SARNP: variants seen among roughly 807,000 people sequenced by gnomAD.
SARNP encodes SAP domain-containing ribonucleoprotein.
A neutral mutation model predicts 38.1 loss-of-function variants in SARNP; 5 were observed. That is an observed-to-expected ratio of 0.13 (90% CI 0.07 to 0.28). The LOEUF (loss-of-function observed/expected upper bound fraction) is 0.28. Among genes scored for constraint, SARNP ranks in the 10% least tolerant of loss-of-function variants. The pLI is 1.00. For synonymous variants in SARNP, 84 were observed against 80.6 expected, an observed-to-expected ratio of 1.04 and a Z score of -0.23; for missense variants, 180 against 243.9, an observed-to-expected ratio of 0.74 and a Z score of 1.75.
At chr12:55,817,573 C>A (rs1350310027) in intron 1 of SARNP, 93 bp downstream of exon 1, 46 of 1,209,996 alleles carry the variant, frequency 3.8e-5, no homozygotes, top group Non-Finnish European at 1.1e-5. Flanking sequence ...GTGGAAAAGG[C>A]TGCACGGAGA....
At chr12:55,760,748 C>T (rs1423262172) in intron 9 of SARNP, 108 bp from the exon 10 acceptor site, 11 of 727,766 alleles carry the variant, frequency 1.5e-5, no homozygotes, top group Admixed American at 2.2e-5. Flanking sequence ...AACCCTGTGC[C>T]AAGAACTAAG....
chr12:55,798,351 G>A (rs576847084), intron 4 of SARNP, among the ~76,000 whole-genome samples: 15 of 152,154 alleles, frequency 9.9e-5, no homozygotes, highest in African/African-American at 3.6e-4. Flanking sequence ...TACAAAAAAA[G>A]AGCTGGGTGT....
At chr12:55,771,542 A>G (rs545740991) in intron 9 of SARNP, among the ~76,000 whole-genome samples, 1 of 152,308 alleles carries the variant, frequency 6.6e-6, no homozygotes, top group East Asian at 1.9e-4. Context: ...CAATCTAAAG[A>G]GTCCAGTCAG....
At chr12:55,798,430 G>A (rs1301526454) in intron 4 of SARNP, among the ~76,000 whole-genome samples, 1 of 152,150 alleles carries the variant, frequency 6.6e-6, no homozygotes, top group East Asian at 1.9e-4. Flanking sequence ...GCCGGGAAAC[G>A]GAGGTTGCAG....
At chr12:55,797,330 G>A (rs1398508015) in intron 4 of SARNP, among the ~76,000 whole-genome samples, 1 of 152,174 alleles carries the variant, frequency 6.6e-6, no homozygotes, top group South Asian at 2.1e-4. Context: ...GCTGGTTGGG[G>A]GTTGGGAATC....
At position 55,767,816 on chromosome 12, in the gene SARNP, C is replaced by A. The variant is rs189785700; in HGVS notation, c.502-7176G>T. Among the ~76,000 whole-genome samples the A allele has an allele frequency of 1.1e-3, 158 of 142,948 alleles. 8 individuals carry two copies. The highest frequency in any genetic ancestry group is 7.0e-3 in the Admixed American group (97 of 13,908). The allele number at this position is 142,948 out of a possible 152,430, so 93.8% of individuals were successfully genotyped here. ...GAGCCGAGATCGCGCCACTGCACTC[C>A]AGCCTAGGCAACAGAGCGAGACTCC... On this transcript the variant is annotated intron_variant, in intron 9 of 10. Coordinates refer to ENST00000336133, the MANE Select transcript of SARNP (RefSeq NM_033082.4).
At chr12:55,789,020 T>C in intron 9 of SARNP, 55 bp downstream of exon 9, 1 of 1,163,452 alleles carries the variant, frequency 8.6e-7, no homozygotes, top group East Asian at 2.4e-5. Context: ...CCTATGTAGT[T>C]CCCATAAGCT....
At chr12:55,793,274 G>A (rs968380264) in intron 7 of SARNP, 1 of 152,092 alleles carries the variant, frequency 6.6e-6, no homozygotes, top group Non-Finnish European at 1.5e-5. Context: ...GAGCAAGACT[G>A]TGTCTCAAAA....
In SARNP at chr12:55,800,522, T is replaced by G. The variant is rs529900270; in HGVS notation, c.251+40A>C. 477 of 1,299,550 alleles carry G rather than the reference T, an allele frequency of 3.7e-4. 6 individuals are homozygous for G. The South Asian group carries it at 5.6e-3, about 15-fold the overall frequency. The allele number at this position is 1,299,550 out of a possible 1,614,324, so 80.5% of individuals were successfully genotyped here. Reference sequence around the variant, plus strand: ...ACATTAAATACATTAAGAAAAGAGCTGCCTGCTCTGTACTCAGATTATAAA... The same window carrying G: ...ACATTAAATACATTAAGAAAAGAGCGGCCTGCTCTGTACTCAGATTATAAA... On this transcript the variant is annotated intron_variant, in intron 4 of 10. Transcript: ENST00000336133.
chr12:55,756,937 G>C (rs1878522815), downstream of SARNP: 1 of 152,188 alleles, frequency 6.6e-6, no homozygotes, highest in Non-Finnish European at 1.5e-5. Flanking sequence ...GCTAATAACA[G>C]AAGGCTACTA....
intron 9 of SARNP, among the ~76,000 whole-genome samples, chr12:55,781,299 G>C (rs796366258): frequency 6.6e-6 from 1 of 151,604 alleles, no homozygotes; most frequent in South Asian, 2.1e-4. Context: ...CCTTTGGGAG[G>C]CCAAGGCAGG....
At chr12:55,764,855 G>A (rs375866550) in intron 9 of SARNP, among the ~76,000 whole-genome samples, 2,771 of 143,914 alleles carry the variant, frequency 0.019, 52 homozygotes, top group Middle Eastern at 0.12. Context: ...AAAAAAAAAG[G>A]AAGGTTTCCA....
chr12:55,755,348 G>C (rs567588187), downstream of SARNP: 1 of 151,958 alleles, frequency 6.6e-6, no homozygotes, highest in African/African-American at 2.4e-5. Context: ...AGTTTAGAGT[G>C]AGAGTGGAAA....
intron 9 of SARNP, among the ~76,000 whole-genome samples, chr12:55,766,952 A>AG (rs1353397315): frequency 6.6e-6 from 1 of 152,170 alleles, no homozygotes; most frequent in Non-Finnish European, 1.5e-5. Context: ...GCCCAGCCCC[A>AG]GGGTCTATAT....
downstream of SARNP, chr12:55,752,572 TATC>T (rs1169309886): frequency 1.3e-5 from 2 of 152,182 alleles, no homozygotes; most frequent in African/African-American, 2.4e-5. Context: ...CCTCTGAACA[TATC>T]ATTATTAGTG....
chr12:55,802,415 C>T (rs188334242), intron 2 of SARNP, among the ~76,000 whole-genome samples: 3 of 151,778 alleles, frequency 2.0e-5, no homozygotes, highest in Admixed American at 2.0e-4. Flanking sequence ...AAATTCAAAA[C>T]CTAAAATGCT....
At chr12:55,782,363 C>T (rs965686168) in intron 9 of SARNP, among the ~76,000 whole-genome samples, 2 of 152,016 alleles carry the variant, frequency 1.3e-5, no homozygotes, top group African/African-American at 4.8e-5. Flanking sequence ...TTTTAAATAC[C>T]CATGTAGATG....
intron 2 of SARNP, 77 bp from the exon 3 acceptor site, chr12:55,800,977 T>C: frequency 8.1e-7 from 1 of 1,241,216 alleles, no homozygotes; most frequent in Non-Finnish European, 1.2e-6. Context: ...AAAATTATAA[T>C]CACTTTGCTT....
chr12:55,756,056 T>A (rs569832643), downstream of SARNP: 1 of 152,238 alleles, frequency 6.6e-6, no homozygotes, highest in Admixed American at 6.5e-5. Context: ...AGTGAATCTA[T>A]AATCTCTCAA....
Sources: allele counts gnomAD v4.1 joint callset (sites outside exome capture counted in the v4.1 genomes callset), GRCh38; gene constraint gnomAD v4.1.1; transcripts MANE v1.5; gene names NCBI Gene and HGNC (gene_info 2026-07-23, HGNC 2026-07-21).